Variants in DOP1A observed in about 807,000 individuals in gnomAD.
The protein encoded by DOP1A is DOP1 leucine zipper like protein A, also known as protein DOP1A.
A neutral mutation model predicts 267.6 loss-of-function variants in DOP1A; 90 were observed. The ratio of observed to expected loss-of-function variants is 0.34; its 90% confidence interval spans 0.28 to 0.40. DOP1A has a LOEUF of 0.40. Among genes scored for constraint, DOP1A ranks in the 10% least tolerant of loss-of-function variants. DOP1A has a pLI of 1.00. For synonymous variants in DOP1A, 932 were observed against 999.1 expected (o/e 0.93, Z 1.27); for missense variants, 2,437 against 2,900.4 (o/e 0.84, Z 3.67).
At chr6:83,115,374 A>C (rs977906429) in intron 7 of DOP1A, among the ~76,000 whole-genome samples, 4 of 152,344 alleles carry the variant, frequency 2.6e-5, no homozygotes, top group Middle Eastern at 3.4e-3. Flanking sequence ...TACCTCACAC[A>C]ATTAATTTTT....
In DOP1A at chr6:83,072,200, G is replaced by T. The variant is rs141907983; in HGVS notation, c.-147+4421G>T. ...ATACATTTTGTATTTAAAGTTGCTG[G>T]AGTTACTTATAGGCATATATCCATA... On this transcript the variant is annotated intron_variant, in intron 1 of 38. Coordinates refer to ENST00000349129, the MANE Select transcript of DOP1A (RefSeq NM_015018.4). Among the ~76,000 whole-genome samples the T allele has an allele frequency of 5.4e-3, 814 of 152,108 alleles. 10 individuals are homozygous for T. Among genetic ancestry groups the T allele is most frequent in the African/African-American group, 0.019 (779 of 41,498 alleles).
At chr6:83,156,535 G>A (rs752999912) in intron 34 of DOP1A, among the ~76,000 whole-genome samples, 9 of 152,192 alleles carry the variant, frequency 5.9e-5, no homozygotes, top group East Asian at 1.9e-4. Flanking sequence ...TAACATTTTC[G>A]GTAACTTCAT....
At position 83,126,330 on chromosome 6, in the gene DOP1A, T is replaced by A. The variant is rs139638286; in HGVS notation, c.1719+597T>A. On this transcript the variant is annotated intron_variant, in intron 15 of 38. Coordinates refer to ENST00000349129, the MANE Select transcript of DOP1A (RefSeq NM_015018.4). ...ATGGGAGGAGAGGTTCTCAATCTGG[T>A]CTGTGGATTTATCCAGGACTTGTAG... 7.6e-3 allele frequency among the ~76,000 whole-genome samples: 1,161 copies of A among 151,936 alleles called. 14 individuals are homozygous for A. Among genetic ancestry groups the A allele is most frequent in the African/African-American group, 0.026 (1,058 of 41,422 alleles).
intron 26 of DOP1A, among the ~76,000 whole-genome samples, chr6:83,148,353 G>A (rs866995524): frequency 3.3e-5 from 5 of 152,088 alleles, no homozygotes; most frequent in African/African-American, 9.7e-5. Context: ...GGTGGAGGCT[G>A]CGGTGAGCCG....
At chr6:83,075,105 A>G (rs1766853237) in intron 1 of DOP1A, among the ~76,000 whole-genome samples, 1 of 152,194 alleles carries the variant, frequency 6.6e-6, no homozygotes. Context: ...TTTTAATATG[A>G]TAGCATATTA....
chr6:83,125,119 T>C, intron 13 of DOP1A, 47 bp from the exon 14 acceptor site: 2 of 1,540,512 alleles, frequency 1.3e-6, no homozygotes, highest in Non-Finnish European at 1.8e-6. Flanking sequence ...TGGAAATCTT[T>C]TCCCTTCTGT....
chr6:83,069,635 A>G (rs1785276511), intron 1 of DOP1A, among the ~76,000 whole-genome samples: 1 of 152,206 alleles, frequency 6.6e-6, no homozygotes, highest in Non-Finnish European at 1.5e-5. Context: ...TATTTTTCTT[A>G]GTAAAATATT....
chr6:83,141,084 T>C (rs1358500301), intron 23 of DOP1A, among the ~76,000 whole-genome samples: 1 of 152,206 alleles, frequency 6.6e-6, no homozygotes, highest in Non-Finnish European at 1.5e-5. Context: ...ACAGAGATCC[T>C]AAACAATTAA....
At chr6:83,123,354 T>G (rs1452799186) in intron 12 of DOP1A, among the ~76,000 whole-genome samples, 2 of 152,092 alleles carry the variant, frequency 1.3e-5, no homozygotes, top group African/African-American at 2.4e-5. Context: ...TTGGCCTGAC[T>G]TGTGTTTTTA....
rs986659697 is a variant in DOP1A, at chr6:83,145,526, C to T, written c.5544C>T (p.Val1848=). The part of the protein sequence containing the change: ...RQNKTTTRTK[V]IPAASEEQLL... ...ACATACAATGATTTATTACCTAGGT[C>T]ATTCCTGCAGCCAGTGAAGAACAGC... is the stretch of plus-strand genomic sequence containing the variant. The change falls in exon 25 of 39, where the codon GTC becomes GTT. Residue 1848 remains valine (V), a splice_region_variant and synonymous_variant. Transcript: ENST00000349129. 1.1e-4 allele frequency: 167 copies of T among 1,589,166 alleles called. 1 individual carries two copies. Among genetic ancestry groups the T allele is most frequent in the Non-Finnish European group, 1.4e-4 (167 of 1,167,304 alleles).
At chr6:83,088,173 A>G (rs9353119) in intron 1 of DOP1A, among the ~76,000 whole-genome samples, 99,120 of 151,742 alleles carry the variant, frequency 0.65, 33,833 homozygotes, top group Middle Eastern at 0.79. Context: ...CACCCGGCCA[A>G]CCATTGATGG....
chr6:83,166,272 G>GT, intron 38 of DOP1A: 1 of 572,724 alleles, frequency 1.7e-6, no homozygotes, highest in Non-Finnish European at 3.1e-6. Context: ...TCTTATAGTT[G>GT]TAAGAGGATC....
chr6:83,100,573 A>G (rs1582933177), intron 3 of DOP1A, 132 bp from the exon 4 acceptor site: 4 of 508,928 alleles, frequency 7.9e-6, no homozygotes, highest in Non-Finnish European at 6.6e-6. Flanking sequence ...AATATGGTAT[A>G]TATAGGCAAA....
Position 83,099,673 on chromosome 6 carries a change from A to G in DOP1A, c.139-1032A>G, listed in dbSNP as rs904938414. On this transcript the variant is annotated intron_variant, in intron 3 of 38. Transcript: ENST00000349129. ...AAAATTGTGATAGAACAAGGCAAGGATTGCATATGTGTGTGTGTGTGTGTG... is the reference window on the plus strand; with the variant it reads ...AAAATTGTGATAGAACAAGGCAAGGGTTGCATATGTGTGTGTGTGTGTGTG... Among the ~76,000 whole-genome samples, 8 of 149,350 alleles carry G rather than the reference A, an allele frequency of 5.4e-5. No homozygotes were observed. In the South Asian group the frequency reaches 6.3e-4, roughly 12 times the overall value.
chr6:83,138,544 C>G lies in DOP1A; in HGVS notation c.4502C>G (p.Ala1501Gly). 1.2e-6 allele frequency: 2 copies of G among 1,613,790 alleles called. No homozygotes were observed. Among genetic ancestry groups the G allele is most frequent in the Non-Finnish European group, 1.7e-6 (2 of 1,179,932 alleles). Residue 1501 changes from alanine (A) to glycine (G), a missense_variant, in exon 21 of 39, where the codon GCA (alanine) becomes GGA (glycine). Physicochemically the swap from Ala to Gly is moderately conservative, Grantham distance 60 (BLOSUM62 0). Around this residue, in one of 9 missense-constraint regions of DOP1A, gnomAD observed 878 missense variants for 992.9 expected, o/e 0.88. Coordinates refer to ENST00000349129, the MANE Select transcript of DOP1A (RefSeq NM_015018.4). ...EILTLLFTELAKVIESSAKGF... is the reference protein window; with the variant it reads ...EILTLLFTELGKVIESSAKGF... ...CTGACACTACTCTTCACTGAGCTGG[C>G]AAAAGTAATAGAAAGCTCAGCGAAG... is the stretch of plus-strand genomic sequence containing the variant.
intron 1 of DOP1A, among the ~76,000 whole-genome samples, chr6:83,076,293 G>A (rs1767077058): frequency 6.6e-6 from 1 of 152,202 alleles, no homozygotes. Flanking sequence ...GGAGGCCGAG[G>A]TGGGTGGATG....
intron 1 of DOP1A, among the ~76,000 whole-genome samples, chr6:83,082,838 T>C (rs1768371885): frequency 6.6e-6 from 1 of 151,902 alleles, no homozygotes. Context: ...GACCGAGTTT[T>C]GCTCTGTCAC....
intron 24 of DOP1A, 134 bp from the exon 25 acceptor site, chr6:83,145,390 C>T (rs1325944925): frequency 1.3e-6 from 1 of 749,896 alleles, no homozygotes; most frequent in East Asian, 3.2e-5. Flanking sequence ...TGAGACCAGG[C>T]TGGGCAAAAT....
chr6:83,147,142 TA>T, intron 25 of DOP1A, 93 bp from the exon 26 acceptor site: 1 of 507,082 alleles, frequency 2.0e-6, no homozygotes, highest in Non-Finnish European at 3.4e-6. Context: ...TTTTTTTAAT[TA>T]AAAATTGGCA....
Sources: gnomAD v4.1 joint callset for allele counts (sites outside exome capture counted in the v4.1 genomes callset) on GRCh38, gnomAD v4.1.1 for gene constraint, gnomAD v4.1.1 regional missense constraint, MANE v1.5 for transcripts, NCBI Gene and HGNC (gene_info 2026-07-23, HGNC 2026-07-21) for gene names.